Variants in RASL12 observed in about 807,000 individuals in gnomAD.
The protein encoded by RASL12 is ras-like protein family member 12.
RASL12 carries 16 observed loss-of-function variants against 22.9 expected under a neutral mutation model. That is an observed-to-expected ratio of 0.70 (90% confidence interval 0.47 to 1.06). RASL12 has a LOEUF of 1.06. RASL12 is among the 50% of genes least tolerant of loss of function. RASL12 has a pLI of 0.00. For missense variants in RASL12, 306 were observed against 353.1 expected, an observed-to-expected ratio of 0.87 and a Z score of 1.07; for synonymous variants, 159 against 152.2, an observed-to-expected ratio of 1.04 and a Z score of -0.33.
At chr15:65,074,000 AATTCCC>A (rs1389711863) in intron 1 of RASL12, among the ~76,000 whole-genome samples, 5 of 152,204 alleles carry the variant, frequency 3.3e-5, no homozygotes, top group African/African-American at 1.2e-4. Context: ...GCAAGTGTGG[AATTCCC>A]ATCCCCATCC....
Position 65,058,582 on chromosome 15 carries a change from C to T in RASL12, c.270G>A (p.Trp90Ter). 8 of 1,592,998 alleles carry T rather than the reference C, an allele frequency of 5.0e-6. No individual in the cohort carries two copies. The highest frequency in any genetic ancestry group is 6.9e-6 in the Non-Finnish European group (8 of 1,165,650). ...TPRNCERYLNWAHAFLVVYSV... is the reference protein window; with the variant it reads ...TPRNCERYLN ...TGTACACCACCAGGAAGGCATGGGC[C>T]CAGTTCAGGTAGCGCTCGCAGTTCC... The change falls in exon 4 of 5, where the codon TGG (tryptophan) becomes TGA (stop). Residue 90 changes from tryptophan to a stop codon, truncating the protein, a stop_gained. Coordinates refer to ENST00000220062, the MANE Select transcript of RASL12 (RefSeq NM_016563.4). LOFTEE classifies it high-confidence loss of function.
downstream of RASL12, chr15:65,051,466 G>A: frequency 6.3e-7 from 1 of 1,579,142 alleles, no homozygotes; most frequent in South Asian, 1.1e-5. Flanking sequence ...GCGGGCTTGA[G>A]AGGTGCCTGG....
At chr15:65,069,178 A>T (rs2946637), upstream of RASL12, among the ~76,000 whole-genome samples, 130,300 of 152,230 alleles carry the variant, frequency 0.86, 55,833 homozygotes, top group East Asian at 0.99. Flanking sequence ...GACTCTTCAA[A>T]GAAGAACAAT....
rs1461166699 is a variant in RASL12 at position 65,053,863 on chromosome 15, T to C, written c.*1036A>G. 1.0e-6 allele frequency: 1 copy of C among 985,880 alleles called. No individual in the cohort carries two copies. Among genetic ancestry groups the C allele is most frequent in the Non-Finnish European group, 1.2e-6 (1 of 829,946 alleles). The allele number at this position is 985,880 out of a possible 1,614,324, so 61.1% of individuals were successfully genotyped here. On this transcript the variant is annotated 3_prime_UTR_variant, in exon 5 of 5. Transcript: ENST00000220062. ...ATCCCATGTCTGAGCCATGGTGTCT[T>C]GGTATAAGCTGCGGTGACACCACCA... is the stretch of plus-strand genomic sequence containing the variant.
At chr15:65,051,560 T>A, downstream of RASL12, 2 of 1,613,584 alleles carry the variant, frequency 1.2e-6, no homozygotes, top group Non-Finnish European at 1.7e-6. Flanking sequence ...GCTGTGGTGG[T>A]CATTATAAGC....
In RASL12 at chr15:65,058,432, C is replaced by G. The variant is rs772542560; in HGVS notation, c.420G>C (p.Gln140His). 2.4e-5 allele frequency: 37 copies of G among 1,556,720 alleles called. No individual in the cohort carries two copies. Among genetic ancestry groups the G allele is most frequent in the Non-Finnish European group, 3.1e-5 (36 of 1,144,452 alleles). ...GCCAAGCAGGCTGTGCTCACCTGTA[C>G]TGAGCCATGTCCAGCTTGTTGCCCA... ...LLLGNKLDMA[Q>H]YRQVTKAEGV... The change falls in exon 4 of 5, where the codon CAG becomes CAC. Residue 140 changes from glutamine (Q) to histidine (H), a missense_variant. Transcript: ENST00000220062.
chr15:65,059,327 T>C lies in RASL12; in HGVS notation c.234+18A>G. Reference sequence around the variant, plus strand: ...ATACTGACTCACAGCAGTGCATAGGTAATGGAGGTAATGTTACCAGGTCTG... The same window carrying C: ...ATACTGACTCACAGCAGTGCATAGGCAATGGAGGTAATGTTACCAGGTCTG... On this transcript the variant is annotated intron_variant, in intron 3 of 4. Coordinates refer to ENST00000220062, the MANE Select transcript of RASL12 (RefSeq NM_016563.4). The C allele has an allele frequency of 6.2e-7, 1 of 1,607,064 alleles. No individual in the cohort carries two copies. Among genetic ancestry groups the C allele is most frequent in the Non-Finnish European group, 8.5e-7 (1 of 1,173,710 alleles).
intron 1 of RASL12, among the ~76,000 whole-genome samples, chr15:65,066,086 AGAAAGAGAAG>A (rs1411590343): frequency 2.0e-5 from 3 of 151,664 alleles, no homozygotes; most frequent in East Asian, 1.9e-4. Flanking sequence ...AGAGAATAAA[AGAAAGAGAAG>A]GAAAGAGAAA....
At chr15:65,076,448 A>C (rs2086970217) in intron 1 of RASL12, 2 of 599,676 alleles carry the variant, frequency 3.3e-6, no homozygotes, top group Non-Finnish European at 6.0e-6. Flanking sequence ...TGAACCCACC[A>C]GAAGGAAGAA....
chr15:65,046,640 C>G, the RASL12 span, among the ~76,000 whole-genome samples: 1 of 152,086 alleles, frequency 6.6e-6, no homozygotes, highest in Non-Finnish European at 1.5e-5. Flanking sequence ...TGGCCAGGCG[C>G]GGTGGCTCAT....
At position 65,053,623 on chromosome 15, in the gene RASL12, C is replaced by T. The variant is rs1300097946; in HGVS notation, c.*1276G>A. 1.1e-5 allele frequency: 11 copies of T among 993,320 alleles called. No homozygotes were observed. Among genetic ancestry groups the T allele is most frequent in the Admixed American group, 5.8e-5 (1 of 17,284 alleles). The allele number at this position is 993,320 out of a possible 1,614,324, so 61.5% of individuals were successfully genotyped here. On this transcript the variant is annotated 3_prime_UTR_variant, in exon 5 of 5. Transcript: ENST00000220062. ...TTGCAATCCAACAGTAGTCCTGAGACGGCTGAGAGGGGAAGGAGCAGGCTT... is the reference window on the plus strand; with the variant it reads ...TTGCAATCCAACAGTAGTCCTGAGATGGCTGAGAGGGGAAGGAGCAGGCTT...
chr15:65,068,227 C>T (rs978178201), upstream of RASL12: 2 of 990,062 alleles, frequency 2.0e-6, no homozygotes, highest in East Asian at 2.2e-4. The surrounding 1 kb of genome is among the most constrained non-coding windows in gnomAD (Gnocchi z 4.2). Context: ...GAAGGAGCCC[C>T]AGGGCTAGGG....
Position 65,054,847 on chromosome 15 carries a change from C to G in RASL12, c.*52G>C. 6.4e-7 allele frequency: 1 copy of G among 1,559,318 alleles called. No individual in the cohort carries two copies. The highest frequency in any genetic ancestry group is 1.9e-5 in the Admixed American group (1 of 53,422). ...CTGGTGGTGAGAAGCCAGTCCCTGT[C>G]CTGCTGCAGTCCTGTCCAGCCACCG... On this transcript the variant is annotated 3_prime_UTR_variant, in exon 5 of 5. Transcript: ENST00000220062.
chr15:65,054,311 G>T lies in RASL12; in HGVS notation c.*588C>A. 1.0e-6 allele frequency: 1 copy of T among 985,786 alleles called. No individual in the cohort carries two copies. 61.1% of individuals were successfully genotyped at this position (985,786 alleles called of 1,614,324 possible). ...AAGTGTTGGAAATACCCCTTCCTGG[G>T]GCTTCTGTCCATTGGATTATTTTAA... is the stretch of plus-strand genomic sequence containing the variant. On this transcript the variant is annotated 3_prime_UTR_variant, in exon 5 of 5. Transcript: ENST00000220062.
chr15:65,068,070 C>T, upstream of RASL12: 18 of 1,077,100 alleles, frequency 1.7e-5, no homozygotes, highest in Non-Finnish European at 2.0e-5. The surrounding 1 kb of genome is among the most constrained non-coding windows in gnomAD (Gnocchi z 4.2). Context: ...CTTGTAAGGG[C>T]TGCGGAGCCC....
rs760224482 is a variant in RASL12, at chr15:65,059,322, A to C, written c.234+23T>G. 6.7e-5 allele frequency: 107 copies of C among 1,603,880 alleles called. No individual in the cohort carries two copies. The Admixed American group carries it at 9.2e-4, about 14-fold the overall frequency. Reference sequence around the variant, plus strand: ...AGGCTATACTGACTCACAGCAGTGCATAGGTAATGGAGGTAATGTTACCAG... The same window carrying C: ...AGGCTATACTGACTCACAGCAGTGCCTAGGTAATGGAGGTAATGTTACCAG... On this transcript the variant is annotated intron_variant, in intron 3 of 4. Transcript: ENST00000220062.
chr15:65,055,297 C>T lies in RASL12; in HGVS notation c.426-23G>A, dbSNP rs376376234. On this transcript the variant is annotated intron_variant, in intron 4 of 4. Transcript: ENST00000220062. The stretch of plus-strand genomic sequence containing the variant: ...TGCCTGGTGAGGAAGCAGTGTGAGG[C>T]AGGGAGTTAGGAGCAGGCTGTGCCA... 4.3e-5 allele frequency: 65 copies of T among 1,520,860 alleles called. No homozygotes were observed. In the African/African-American group the frequency reaches 8.3e-4, roughly 19 times the overall value. 94.2% of individuals were successfully genotyped at this position (1,520,860 alleles called of 1,614,324 possible).
intron 2 of RASL12, among the ~76,000 whole-genome samples, chr15:65,061,590 TA>T (rs780108489): frequency 1.3e-4 from 20 of 152,228 alleles, no homozygotes; most frequent in Non-Finnish European, 2.4e-4. Flanking sequence ...ATGGGTTTCC[TA>T]ACACCTGGTT....
chr15:65,066,184 G>A (rs949583150), intron 1 of RASL12, among the ~76,000 whole-genome samples: 1 of 148,060 alleles, frequency 6.8e-6, no homozygotes, highest in Admixed American at 6.8e-5. Flanking sequence ...GGGAGGGAGG[G>A]AAAAGAGAAA....
Sources: gnomAD v4.1 joint callset for allele counts (sites outside exome capture counted in the v4.1 genomes callset) on GRCh38, gnomAD v4.1.1 for gene constraint, Gnocchi (gnomAD v3.1) non-coding constraint, MANE v1.5 for transcripts, NCBI Gene and HGNC (gene_info 2026-07-23, HGNC 2026-07-21) for gene names.